The following LHCGR variants were observed in gnomAD, a reference collection of about 807,000 sequenced individuals.
The protein encoded by LHCGR is lutropin-choriogonadotropic hormone receptor.
Under a neutral mutation model 60.7 loss-of-function variants are expected in LHCGR, and 55 were observed. The observed-to-expected ratio is 0.91, with a 90% CI of 0.73 to 1.13. LHCGR has a LOEUF of 1.13. Ranked by LOEUF, LHCGR falls within the 50% of genes most tolerant of loss-of-function variation. The pLI is 0.00. For missense variants in LHCGR, 862 were observed against 836.0 expected (o/e 1.03, Z -0.38); for synonymous variants, 337 against 316.5 (o/e 1.06, Z -0.69).
chr2:48,731,140 A>T, intron 2 of LHCGR, 87 bp downstream of exon 2: 1 of 878,798 alleles, frequency 1.1e-6, no homozygotes, highest in Non-Finnish European at 1.9e-6. Flanking sequence ...TTCCTAGAAA[A>T]ATTATCCCCT....
At position 48,687,105 on chromosome 2, in the gene LHCGR, T is replaced by G. The variant is rs922201707; in HGVS notation, c.*592A>C. 2 of 152,624 alleles carry G rather than the reference T, an allele frequency of 1.3e-5. No individual in the cohort carries two copies. The highest frequency in any genetic ancestry group is 2.9e-5 in the Non-Finnish European group (2 of 68,348). The allele number at this position is 152,624 out of a possible 1,614,324, so 9.5% of individuals were successfully genotyped here. On this transcript the variant is annotated 3_prime_UTR_variant, in exon 11 of 11. Transcript: ENST00000294954. Reference sequence around the variant, plus strand: ...CTATAATAGAACAGATAGAACTTTCTGTGGTGATGAAAATATTCTGTGTCT... The same window carrying G: ...CTATAATAGAACAGATAGAACTTTCGGTGGTGATGAAAATATTCTGTGTCT...
chr2:48,717,226 C>T (rs573135049), intron 6 of LHCGR, among the ~76,000 whole-genome samples: 262 of 152,234 alleles, frequency 1.7e-3, no homozygotes, highest in Non-Finnish European at 2.7e-3. Context: ...TTATTCATCA[C>T]AGCTGCATGC....
chr2:48,705,788 T>C (rs1667634782), intron 8 of LHCGR, among the ~76,000 whole-genome samples: 1 of 152,186 alleles, frequency 6.6e-6, no homozygotes, highest in Non-Finnish European at 1.5e-5. Context: ...TATGTGTGTC[T>C]TTGCATGTGA....
intron 10 of LHCGR, among the ~76,000 whole-genome samples, chr2:48,691,162 G>C (rs953332885): frequency 6.6e-6 from 1 of 152,148 alleles, no homozygotes; most frequent in Non-Finnish European, 1.5e-5. Context: ...GGAGCCTTAT[G>C]GTTCCTACAT....
At chr2:48,722,736 C>CTG (rs1419413815) in intron 6 of LHCGR, among the ~76,000 whole-genome samples, 1 of 152,090 alleles carries the variant, frequency 6.6e-6, no homozygotes, top group African/African-American at 2.4e-5. Flanking sequence ...GAATTGTGAG[C>CTG]CAATTAAAAC....
chr2:48,690,618 C>G (rs542906564), intron 10 of LHCGR, among the ~76,000 whole-genome samples: 53 of 152,302 alleles, frequency 3.5e-4, no homozygotes, highest in South Asian at 3.1e-3. Flanking sequence ...ACTCCTCTGT[C>G]TTTGTACGTA....
chr2:48,687,765 A>G lies in LHCGR; in HGVS notation c.2032T>C (p.Leu678=). The G allele has an allele frequency of 6.2e-7, 1 of 1,614,174 alleles. No homozygotes were observed. The highest frequency in any genetic ancestry group is 1.1e-5 in the South Asian group (1 of 91,086). ...TGSNKPSQST[L]KLSTLHCQGT... is the part of the protein sequence containing the mutation. ...TGACAGTGCAATGTGGACAACTTCA[A>G]GGTGGATTGAGAAGGCTTATTTGAT... The change falls in exon 11 of 11, where the codon TTG becomes CTG. Residue 678 remains leucine, a synonymous_variant. Transcript: ENST00000294954.
intron 9 of LHCGR, among the ~76,000 whole-genome samples, chr2:48,697,835 G>A (rs558068558): frequency 1.1e-4 from 17 of 152,112 alleles, no homozygotes; most frequent in Admixed American, 2.0e-4. Flanking sequence ...AATAAAAAAA[G>A]CATAAAATAA....
chr2:48,746,382 T>A (rs1312691356), intron 1 of LHCGR, among the ~76,000 whole-genome samples: 1 of 152,242 alleles, frequency 6.6e-6, no homozygotes, highest in Non-Finnish European at 1.5e-5. Context: ...TGGGCTCAGA[T>A]ATCTCTTTTA....
intron 8 of LHCGR, among the ~76,000 whole-genome samples, chr2:48,700,168 G>GTT: frequency 6.6e-6 from 1 of 152,252 alleles, no homozygotes; most frequent in East Asian, 1.9e-4. Flanking sequence ...GCTTTATAGG[G>GTT]TTTTTATCTC....
chr2:48,744,759 C>G (rs1342065169), intron 1 of LHCGR, among the ~76,000 whole-genome samples: 1 of 150,764 alleles, frequency 6.6e-6, no homozygotes, highest in Non-Finnish European at 1.5e-5. Context: ...AAAACCCAGG[C>G]ATTACCATTC....
intron 1 of LHCGR, among the ~76,000 whole-genome samples, chr2:48,752,774 C>G (rs553069897): frequency 1.3e-5 from 2 of 151,918 alleles, no homozygotes; most frequent in African/African-American, 2.4e-5. Context: ...GACTGATGCT[C>G]TCCTCCTACC....
chr2:48,709,148 A>C, intron 7 of LHCGR, 126 bp from the exon 8 acceptor site: 2 of 760,036 alleles, frequency 2.6e-6, no homozygotes, highest in Non-Finnish European at 4.7e-6. Flanking sequence ...GAAAAAGGGT[A>C]AGTGGAGGGA....
At chr2:48,710,060 A>G (rs1325215800) in intron 7 of LHCGR, among the ~76,000 whole-genome samples, 2 of 152,190 alleles carry the variant, frequency 1.3e-5, no homozygotes, top group East Asian at 3.8e-4. Flanking sequence ...AAACAAACAT[A>G]CTAACACCCA....
At chr2:48,693,947 A>G (rs1355306477) in intron 10 of LHCGR, among the ~76,000 whole-genome samples, 1 of 152,218 alleles carries the variant, frequency 6.6e-6, no homozygotes, top group Admixed American at 6.5e-5. Context: ...TGACATCAAC[A>G]TACCTGCAAA....
At chr2:48,726,157 G>T (rs1668715758) in intron 3 of LHCGR, among the ~76,000 whole-genome samples, 1 of 152,076 alleles carries the variant, frequency 6.6e-6, no homozygotes, top group South Asian at 2.1e-4. Context: ...ACTCTCCCTT[G>T]TAAGCAAACT....
intron 6 of LHCGR, among the ~76,000 whole-genome samples, chr2:48,715,079 A>G (rs1347247363): frequency 2.6e-5 from 4 of 152,130 alleles, no homozygotes; most frequent in African/African-American, 9.7e-5. Flanking sequence ...TCGTGTTCTC[A>G]GTGGGGCCTT....
intron 8 of LHCGR, among the ~76,000 whole-genome samples, chr2:48,707,972 T>C (rs1194292254): frequency 6.6e-6 from 1 of 152,152 alleles, no homozygotes; most frequent in Non-Finnish European, 1.5e-5. Context: ...CCTGGACCCC[T>C]TGTGCTCCCT....
Position 48,713,853 on chromosome 2 carries a change from A to G in LHCGR, c.605+133T>C, listed in dbSNP as rs948564048. On this transcript the variant is annotated intron_variant, in intron 7 of 10. Coordinates refer to ENST00000294954, the MANE Select transcript of LHCGR (RefSeq NM_000233.4). Reference sequence around the variant, plus strand: ...GCCAGCCAGTTGCCTAGTAACATGCATGAAACACTGAGGGCTAGCCACTTG... The same window carrying G: ...GCCAGCCAGTTGCCTAGTAACATGCGTGAAACACTGAGGGCTAGCCACTTG... 3.0e-5 allele frequency: 23 copies of G among 760,326 alleles called. No individual in the cohort carries two copies. In the African/African-American group the frequency reaches 3.3e-4, roughly 11 times the overall value. 47.1% of individuals were successfully genotyped at this position (760,326 alleles called of 1,614,324 possible).
Sources: allele counts gnomAD v4.1 joint callset (sites outside exome capture counted in the v4.1 genomes callset), GRCh38; gene constraint gnomAD v4.1.1; transcripts MANE v1.5; gene names NCBI Gene and HGNC (gene_info 2026-07-23, HGNC 2026-07-21).